ZMAT4: variants seen among roughly 807,000 people sequenced by gnomAD.
The protein encoded by ZMAT4 is zinc finger matrin-type 4, also known as zinc finger matrin-type protein 4.
Under a neutral mutation model 28.7 loss-of-function variants are expected in ZMAT4, and 17 were observed. The ratio of observed to expected loss-of-function variants is 0.59; its 90% CI spans 0.41 to 0.89. ZMAT4 has a LOEUF of 0.89. Among genes scored for constraint, ZMAT4 ranks in the 40% least tolerant of loss-of-function variants. ZMAT4 has a pLI of 0.00. For missense variants in ZMAT4, 240 were observed against 283.8 expected (o/e 0.85, Z 1.11); for synonymous variants, 117 against 109.2 (o/e 1.07, Z -0.44).
In ZMAT4 at chr8:40,545,937, C is replaced by A. The variant is rs1414368393; in HGVS notation, c.675-13699G>T. 3.7e-5 allele frequency among the ~76,000 whole-genome samples: 5 copies of A among 135,800 alleles called. No individual in the cohort carries two copies. The East Asian group carries it at 1.2e-3, about 32-fold the overall frequency. 89.1% of individuals were successfully genotyped at this position (135,800 alleles called of 152,430 possible). A position where few individuals can be genotyped will look rare whatever the true frequency, so the allele number is the denominator to read the frequency against. ...GTCCTCTGAAATGCTGACCCCCTCACCCTGAAGCCCAGTAAAAAAAAAAAA... is the reference window on the plus strand; with the variant it reads ...GTCCTCTGAAATGCTGACCCCCTCAACCTGAAGCCCAGTAAAAAAAAAAAA... On this transcript the variant is annotated intron_variant, in intron 6 of 6. Coordinates refer to ENST00000297737, the MANE Select transcript of ZMAT4 (RefSeq NM_024645.3).
intron 5 of ZMAT4, among the ~76,000 whole-genome samples, chr8:40,638,445 A>G (rs1022025890): frequency 1.3e-5 from 2 of 152,232 alleles, no homozygotes; most frequent in African/African-American, 4.8e-5. Context: ...CCACAGTTCA[A>G]GTAAGGGTTA....
chr8:40,838,847 G>A (rs1007018460), intron 1 of ZMAT4, among the ~76,000 whole-genome samples: 2 of 152,140 alleles, frequency 1.3e-5, no homozygotes, highest in African/African-American at 4.8e-5. Context: ...GGGACATGAA[G>A]GCAATTGGAA....
intron 4 of ZMAT4, among the ~76,000 whole-genome samples, chr8:40,686,603 G>A (rs544064004): frequency 4.4e-4 from 67 of 152,130 alleles, no homozygotes; most frequent in Non-Finnish European, 1.9e-4. Flanking sequence ...ATTCCAGCTT[G>A]GGCAACAGAG....
intron 3 of ZMAT4, among the ~76,000 whole-genome samples, chr8:40,709,433 G>T (rs1374753704): frequency 6.6e-6 from 1 of 152,186 alleles, no homozygotes; most frequent in South Asian, 2.1e-4. Context: ...AAACCGTATA[G>T]AAAGATATTT....
chr8:40,741,777 C>T (rs1269713506), intron 3 of ZMAT4, among the ~76,000 whole-genome samples: 2 of 152,002 alleles, frequency 1.3e-5, no homozygotes, highest in East Asian at 3.9e-4. Context: ...GTTCCTGTAC[C>T]AGTGGACAAA....
intron 5 of ZMAT4, among the ~76,000 whole-genome samples, chr8:40,652,989 C>G (rs571419812): frequency 6.6e-6 from 1 of 150,976 alleles, no homozygotes; most frequent in Admixed American, 6.6e-5. Flanking sequence ...TGTTAGATGA[C>G]GAGTTAGTGG....
At chr8:40,698,846 G>A (rs912883005) in intron 3 of ZMAT4, among the ~76,000 whole-genome samples, 1 of 152,054 alleles carries the variant, frequency 6.6e-6, no homozygotes, top group African/African-American at 2.4e-5. Context: ...ATTGGGGCTG[G>A]GATGGAGGTT....
intron 6 of ZMAT4, among the ~76,000 whole-genome samples, chr8:40,559,940 T>C (rs1803678719): frequency 6.6e-6 from 1 of 152,088 alleles, no homozygotes; most frequent in African/African-American, 2.4e-5. Context: ...ATCAAACTTA[T>C]GCAATAATCT....
At chr8:40,858,132 C>T (rs1817361347) in intron 1 of ZMAT4, among the ~76,000 whole-genome samples, 1 of 152,112 alleles carries the variant, frequency 6.6e-6, no homozygotes, top group Admixed American at 6.5e-5. Context: ...TGCGTTTTAT[C>T]GTATGCTTTA....
At chr8:40,759,022 C>G (rs181503153) in intron 3 of ZMAT4, among the ~76,000 whole-genome samples, 1 of 151,968 alleles carries the variant, frequency 6.6e-6, no homozygotes, top group Admixed American at 6.5e-5. Context: ...CAGTGGATCA[C>G]GCCTGTAATC....
At chr8:40,548,803 A>C (rs2722458) in intron 6 of ZMAT4, among the ~76,000 whole-genome samples, 107,714 of 152,052 alleles carry the variant, frequency 0.71, 43,045 homozygotes, top group East Asian at 1. Flanking sequence ...CCATTTGGTG[A>C]AAAACTTGTT....
At chr8:40,534,331 C>T (rs568547614) in intron 6 of ZMAT4, among the ~76,000 whole-genome samples, 21 of 152,176 alleles carry the variant, frequency 1.4e-4, no homozygotes, top group East Asian at 7.7e-4. Flanking sequence ...CAAAAGAACA[C>T]GGAAAATTTC....
intron 1 of ZMAT4, among the ~76,000 whole-genome samples, chr8:40,860,295 A>G (rs942305424): frequency 2.0e-5 from 3 of 152,162 alleles, no homozygotes; most frequent in Non-Finnish European, 2.9e-5. Context: ...CCATGAGATG[A>G]GCAGAGGTCA....
chr8:40,854,075 T>C (rs1297154112), intron 1 of ZMAT4, among the ~76,000 whole-genome samples: 1 of 152,140 alleles, frequency 6.6e-6, no homozygotes, highest in Non-Finnish European at 1.5e-5. Context: ...AGTCTCTTTT[T>C]AACAAACAGA....
rs1811470620 is a variant in ZMAT4, at chr8:40,730,022, CA to C, written c.193-32622del. Among the ~76,000 whole-genome samples, 4 of 152,176 alleles carry C rather than the reference CA, an allele frequency of 2.6e-5. No individual in the cohort carries two copies. The South Asian group carries it at 8.3e-4, about 32-fold the overall frequency. ...TTAAAATCTGCAGACCTGTGATTCA[CA>C]GAAGGCTTCACTTGAATTTCATATG... On this transcript the variant is annotated intron_variant, in intron 3 of 6. Coordinates refer to ENST00000297737, the MANE Select transcript of ZMAT4 (RefSeq NM_024645.3).
intron 5 of ZMAT4, among the ~76,000 whole-genome samples, chr8:40,608,600 G>A (rs1805685118): frequency 6.6e-6 from 1 of 152,124 alleles, no homozygotes; most frequent in Non-Finnish European, 1.5e-5. Context: ...TTCTGTCCAG[G>A]AAACTTCGTG....
intron 5 of ZMAT4, 34 bp from the exon 6 acceptor site, chr8:40,581,295 C>G: frequency 6.3e-7 from 1 of 1,581,220 alleles, no homozygotes; most frequent in Non-Finnish European, 8.7e-7. Flanking sequence ...TTAGCTGCAT[C>G]CAGTCGTCAA....
chr8:40,795,210 G>T (rs951815155), intron 2 of ZMAT4, among the ~76,000 whole-genome samples: 2 of 152,056 alleles, frequency 1.3e-5, no homozygotes, highest in Admixed American at 6.6e-5. Flanking sequence ...CCAAGCATCC[G>T]ATCATTGCAG....
intron 6 of ZMAT4, among the ~76,000 whole-genome samples, chr8:40,547,224 G>A (rs1234581613): frequency 6.6e-6 from 1 of 152,182 alleles, no homozygotes; most frequent in Non-Finnish European, 1.5e-5. Context: ...GGAAGAAGGT[G>A]TTCAGTGATC....
Sources: allele counts gnomAD v4.1 joint callset (sites outside exome capture counted in the v4.1 genomes callset), GRCh38; gene constraint gnomAD v4.1.1; transcripts MANE v1.5; gene names NCBI Gene and HGNC (gene_info 2026-07-23, HGNC 2026-07-21).